The following LYPLAL1 variants were observed in gnomAD, a reference collection of about 807,000 sequenced individuals.
The protein encoded by LYPLAL1 is lysophospholipase like 1.
A neutral mutation model predicts 19.7 loss-of-function variants in LYPLAL1; 23 were observed. The observed-to-expected ratio is 1.17, with a 90% confidence interval of 0.84 to 1.65. The LOEUF is 1.65. Ranked by LOEUF, LYPLAL1 falls within the 40% of genes most tolerant of loss-of-function variation. LYPLAL1 has a pLI of 0.00. For missense variants in LYPLAL1, 355 were observed against 279.4 expected (o/e 1.27, Z -1.93); for synonymous variants, 119 against 96.3 (o/e 1.24, Z -1.38).
At chr1:219,427,982 C>A in the LYPLAL1 span, among the ~76,000 whole-genome samples, 1 of 152,174 alleles carries the variant, frequency 6.6e-6, no homozygotes, top group Non-Finnish European at 1.5e-5. Flanking sequence ...GATTTCCAGG[C>A]CTTCATCTTG....
the LYPLAL1 span, among the ~76,000 whole-genome samples, chr1:219,282,649 T>C: frequency 6.6e-6 from 1 of 152,100 alleles, no homozygotes; most frequent in African/African-American, 2.4e-5. Context: ...TAACAGCAAC[T>C]GAATCTTAGA....
chr1:219,406,901 T>A, the LYPLAL1 span, among the ~76,000 whole-genome samples: 1 of 152,194 alleles, frequency 6.6e-6, no homozygotes, highest in African/African-American at 2.4e-5. Context: ...GCAAGTGGTA[T>A]AAAATGAGAA....
the LYPLAL1 span, among the ~76,000 whole-genome samples, chr1:219,268,407 T>C: frequency 6.6e-6 from 1 of 152,160 alleles, no homozygotes; most frequent in Non-Finnish European, 1.5e-5. Flanking sequence ...CTAAGGCCTC[T>C]AAACATGTAC....
the LYPLAL1 span, among the ~76,000 whole-genome samples, chr1:219,300,616 G>T: frequency 7.0e-6 from 1 of 142,574 alleles, no homozygotes; most frequent in South Asian, 2.3e-4. Context: ...CTCACTGCAA[G>T]CTCTGCCTCC....
At chr1:219,375,987 C>G in the LYPLAL1 span, among the ~76,000 whole-genome samples, 3 of 152,056 alleles carry the variant, frequency 2.0e-5, no homozygotes, top group Admixed American at 6.6e-5. Flanking sequence ...ATGATTCACC[C>G]GCCTCGGCCT....
chr1:219,392,255 G>C, the LYPLAL1 span, among the ~76,000 whole-genome samples: 1 of 152,266 alleles, frequency 6.6e-6, no homozygotes, highest in East Asian at 1.9e-4. Flanking sequence ...GCCAACACTT[G>C]ATCCTCGATG....
At chr1:219,373,519 A>C in the LYPLAL1 span, among the ~76,000 whole-genome samples, 1 of 152,176 alleles carries the variant, frequency 6.6e-6, no homozygotes, top group Non-Finnish European at 1.5e-5. Context: ...GACTCTCTCC[A>C]GTGATTACAT....
At chr1:219,391,083 C>T in the LYPLAL1 span, among the ~76,000 whole-genome samples, 1 of 152,162 alleles carries the variant, frequency 6.6e-6, no homozygotes, top group African/African-American at 2.4e-5. Context: ...TTTCTCAGCC[C>T]TCTACCTGCA....
chr1:219,299,980 C>T, the LYPLAL1 span, among the ~76,000 whole-genome samples: 16 of 152,226 alleles, frequency 1.1e-4, no homozygotes, highest in African/African-American at 2.9e-4. Context: ...TATAGGCTTG[C>T]TGAAATATAT....
chr1:219,194,894 G>A (rs1657483725), intron 3 of LYPLAL1, among the ~76,000 whole-genome samples: 1 of 152,076 alleles, frequency 6.6e-6, no homozygotes, highest in Non-Finnish European at 1.5e-5. Context: ...GAAGTGGACA[G>A]AGTAATGCTT....
the LYPLAL1 span, among the ~76,000 whole-genome samples, chr1:219,267,818 G>C: frequency 6.6e-6 from 1 of 152,102 alleles, no homozygotes; most frequent in Admixed American, 6.6e-5. Flanking sequence ...CTATCATTCA[G>C]AGCTTCCAGC....
the LYPLAL1 span, among the ~76,000 whole-genome samples, chr1:219,295,844 T>C: frequency 6.6e-6 from 1 of 152,198 alleles, no homozygotes; most frequent in African/African-American, 2.4e-5. Flanking sequence ...CAGAAGGTCT[T>C]TGCAATGGGC....
chr1:219,246,881 C>T, the LYPLAL1 span, among the ~76,000 whole-genome samples: 11 of 152,278 alleles, frequency 7.2e-5, no homozygotes, highest in African/African-American at 2.6e-4. Context: ...CCACTGTGCC[C>T]GGCCTAACTT....
chr1:219,296,032 A>G, the LYPLAL1 span, among the ~76,000 whole-genome samples: 2 of 152,170 alleles, frequency 1.3e-5, no homozygotes, highest in African/African-American at 4.8e-5. Context: ...TCATTGGCAC[A>G]TAGTTGGTGT....
chr1:219,405,136 A>G, the LYPLAL1 span, among the ~76,000 whole-genome samples: 17 of 152,318 alleles, frequency 1.1e-4, no homozygotes, highest in African/African-American at 3.8e-4. Context: ...GCCATAGTTA[A>G]GTGTCATTGT....
the LYPLAL1 span, among the ~76,000 whole-genome samples, chr1:219,239,674 A>C: frequency 6.6e-6 from 1 of 152,216 alleles, no homozygotes. Flanking sequence ...TAAATGTGAC[A>C]ATATAAACTC....
the LYPLAL1 span, among the ~76,000 whole-genome samples, chr1:219,258,293 G>A: frequency 6.6e-6 from 1 of 151,962 alleles, no homozygotes; most frequent in South Asian, 2.1e-4. Flanking sequence ...AGCTTACAAA[G>A]ATAACAGGAT....
the LYPLAL1 span, among the ~76,000 whole-genome samples, chr1:219,254,920 T>C: frequency 6.6e-6 from 1 of 152,024 alleles, no homozygotes; most frequent in Non-Finnish European, 1.5e-5. Flanking sequence ...AGATTTGGTC[T>C]CTTTACATAA....
At chr1:219,410,377 T>G in the LYPLAL1 span, 1 of 152,286 alleles carries the variant, frequency 6.6e-6, no homozygotes, top group Non-Finnish European at 1.5e-5. Flanking sequence ...GGGATTTTTT[T>G]GCTGTGATTC....
Sources: allele counts gnomAD v4.1 joint callset (sites outside exome capture counted in the v4.1 genomes callset), GRCh38; gene constraint gnomAD v4.1.1; transcripts MANE v1.5; gene names NCBI Gene and HGNC (gene_info 2026-07-23, HGNC 2026-07-21).